CCNI: variants seen among roughly 807,000 people sequenced by gnomAD.
CCNI encodes cyclin-I.
Under a neutral mutation model 34.1 loss-of-function variants are expected in CCNI, and 14 were observed. The ratio of observed to expected loss-of-function variants is 0.41; its 90% CI spans 0.27 to 0.64. CCNI has a LOEUF of 0.64. CCNI is among the 30% of genes least tolerant of loss of function. The probability of loss-of-function intolerance (pLI) is 0.31; values close to 1 mark genes in which losing one functional copy is unlikely to be tolerated. For synonymous variants in CCNI, 154 were observed against 158.4 expected (o/e 0.97, Z 0.21); for missense variants, 385 against 440.5 (o/e 0.87, Z 1.13).
intron 3 of CCNI, among the ~76,000 whole-genome samples, chr4:77,056,838 G>A (rs184097761): frequency 2.6e-5 from 4 of 152,010 alleles, no homozygotes; most frequent in African/African-American, 7.2e-5. Flanking sequence ...TGATCTGCCC[G>A]CCTCGGCCTC....
At chr4:77,067,207 G>A (rs1244277161) in intron 1 of CCNI, among the ~76,000 whole-genome samples, 1 of 152,000 alleles carries the variant, frequency 6.6e-6, no homozygotes, top group Non-Finnish European at 1.5e-5. Flanking sequence ...ACTCCAGCCT[G>A]GGCAACAGGG....
chr4:77,075,328 G>A (rs1729828639), intron 1 of CCNI, 144 bp downstream of exon 1: 1 of 168,082 alleles, frequency 5.9e-6, no homozygotes. Flanking sequence ...CGGGCTGGGG[G>A]ATGCGGGAGG....
At chr4:77,067,402 T>C (rs1028695015) in intron 1 of CCNI, among the ~76,000 whole-genome samples, 3 of 152,188 alleles carry the variant, frequency 2.0e-5, no homozygotes, top group Non-Finnish European at 4.4e-5. Context: ...CCACAGTACA[T>C]TGACTAGCAC....
chr4:77,049,761 C>T (rs1302269490), intron 6 of CCNI, among the ~76,000 whole-genome samples: 1 of 151,900 alleles, frequency 6.6e-6, no homozygotes, highest in African/African-American at 2.4e-5. Flanking sequence ...ACCATTTAGC[C>T]TTTCCATTAT....
At chr4:77,066,761 C>CA (rs1425622724) in intron 1 of CCNI, among the ~76,000 whole-genome samples, 1 of 152,156 alleles carries the variant, frequency 6.6e-6, no homozygotes, top group Admixed American at 6.5e-5. Flanking sequence ...AAAACCTAAT[C>CA]AGATAAGGAC....
intron 1 of CCNI, among the ~76,000 whole-genome samples, chr4:77,067,790 T>TAAA (rs375815113): frequency 1.5e-4 from 15 of 98,690 alleles, no homozygotes; most frequent in Admixed American, 2.2e-4. Flanking sequence ...CTTCTAGGTT[T>TAAA]AAAAAAAAAA....
At chr4:77,049,420 G>A (rs965083660) in intron 6 of CCNI, among the ~76,000 whole-genome samples, 2 of 152,128 alleles carry the variant, frequency 1.3e-5, no homozygotes, top group African/African-American at 4.8e-5. Context: ...GCTCATGCCT[G>A]TAATCCTAGC....
At chr4:77,048,761 G>A (rs917785634) in intron 6 of CCNI, 99 bp from the exon 7 acceptor site, 14 of 787,586 alleles carry the variant, frequency 1.8e-5, no homozygotes, top group South Asian at 1.2e-4. Context: ...TGTGCTTTCC[G>A]TCCCCGCTGA....
rs1729027889 is a variant in CCNI, at chr4:77,066,261, C to T, written c.102G>A (p.Met34Ile). Reference sequence around the variant, plus strand: ...GAAAAATCATTACCTGATTTGAAGGCATTTTCCGCACATTCACTTTCCACA... The same window carrying T: ...GAAAAATCATTACCTGATTTGAAGGTATTTTCCGCACATTCACTTTCCACA... ...AQMWKVNVRK[M>I]PSNQNVSPSQ... The change falls in exon 2 of 7, where the codon ATG (methionine) becomes ATA (isoleucine). Residue 34 changes from methionine to isoleucine, a missense_variant. Met to Ile is a conservative substitution (Grantham distance 10, BLOSUM62 1). This residue lies in a region of CCNI where 135 missense variants were observed against 191.8 expected (regional missense o/e 0.70). Transcript: ENST00000237654. The T allele has an allele frequency of 1.2e-6, 2 of 1,613,848 alleles. No individual in the cohort carries two copies. Among genetic ancestry groups the T allele is most frequent in the Non-Finnish European group, 1.7e-6 (2 of 1,179,858 alleles).
chr4:77,067,381 C>T (rs553685936), intron 1 of CCNI, among the ~76,000 whole-genome samples: 2 of 152,284 alleles, frequency 1.3e-5, no homozygotes, highest in East Asian at 3.9e-4. Context: ...ACAGTGCTCA[C>T]CTAGAAAGCT....
chr4:77,064,580 C>CGAGG (rs1392311730), intron 2 of CCNI: 2 of 113,940 alleles, frequency 1.8e-5, no homozygotes, highest in African/African-American at 7.3e-5. Context: ...CACATGCGCG[C>CGAGG]GCGCGCACAC....
At chr4:77,052,796 C>T (rs996249888) in intron 6 of CCNI, among the ~76,000 whole-genome samples, 2 of 152,134 alleles carry the variant, frequency 1.3e-5, no homozygotes, top group Admixed American at 1.3e-4. Context: ...GTGTTCCCTA[C>T]CTGAACACAG....
intron 2 of CCNI, among the ~76,000 whole-genome samples, chr4:77,064,010 G>A (rs1203493773): frequency 6.6e-6 from 1 of 152,080 alleles, no homozygotes; most frequent in Non-Finnish European, 1.5e-5. Context: ...GGGTTGCTGG[G>A]GCAGGAAGAT....
chr4:77,064,489 C>T (rs1728866408), intron 2 of CCNI, among the ~76,000 whole-genome samples: 1 of 151,910 alleles, frequency 6.6e-6, no homozygotes, highest in South Asian at 2.1e-4. Flanking sequence ...ATCCCCAATA[C>T]CTAGAATAGT....
Position 77,047,926 on chromosome 4 carries a change from G to A in CCNI, c.*293C>T, listed in dbSNP as rs774498901. 57 of 250,126 alleles carry A rather than the reference G, an allele frequency of 2.3e-4. 1 individual carries two copies. Among genetic ancestry groups the A allele is most frequent in the Non-Finnish European group, 2.2e-4 (29 of 129,586 alleles). 15.5% of individuals were successfully genotyped at this position (250,126 alleles called of 1,614,324 possible). Reference sequence around the variant, plus strand: ...TTGAATTTTTGACGGGGCAAGCTACGTTACATTATGGCAGAAAAAAAGTGC... The same window carrying A: ...TTGAATTTTTGACGGGGCAAGCTACATTACATTATGGCAGAAAAAAAGTGC... On this transcript the variant is annotated 3_prime_UTR_variant, in exon 7 of 7. Coordinates refer to ENST00000237654, the MANE Select transcript of CCNI (RefSeq NM_006835.3).
intron 3 of CCNI, among the ~76,000 whole-genome samples, chr4:77,056,837 C>T (rs917295415): frequency 6.6e-6 from 1 of 151,900 alleles, no homozygotes; most frequent in Middle Eastern, 3.2e-3. Context: ...GTGATCTGCC[C>T]GCCTCGGCCT....
At chr4:77,056,894 G>A (rs1022922930) in intron 3 of CCNI, among the ~76,000 whole-genome samples, 2 of 151,966 alleles carry the variant, frequency 1.3e-5, no homozygotes, top group African/African-American at 4.8e-5. Flanking sequence ...CCCGGCCTGA[G>A]AGCTAACTGT....
chr4:77,065,680 A>G (rs1728981196), intron 2 of CCNI, among the ~76,000 whole-genome samples: 1 of 152,266 alleles, frequency 6.6e-6, no homozygotes, highest in African/African-American at 2.4e-5. Flanking sequence ...ATAGATTATG[A>G]TGAAAGAAAA....
chr4:77,064,003 T>G (rs1728824180), intron 2 of CCNI, among the ~76,000 whole-genome samples: 1 of 152,036 alleles, frequency 6.6e-6, no homozygotes, highest in African/African-American at 2.4e-5. Context: ...GCACTTTGGG[T>G]TGCTGGGGCA....
Sources: allele counts gnomAD v4.1 joint callset (sites outside exome capture counted in the v4.1 genomes callset), GRCh38; gene constraint gnomAD v4.1.1; regional missense constraint gnomAD v4.1.1; transcripts MANE v1.5; gene names NCBI Gene and HGNC (gene_info 2026-07-23, HGNC 2026-07-21).